GLIS3: variants seen among roughly 807,000 people sequenced by gnomAD.
The protein encoded by GLIS3 is zinc finger protein GLIS3.
Under a neutral mutation model 78.6 loss-of-function variants are expected in GLIS3, and 53 were observed. That is an observed-to-expected ratio of 0.67 (90% CI 0.54 to 0.85). The LOEUF is 0.85. GLIS3 is among the 40% of genes least tolerant of loss of function. GLIS3 has a pLI of 0.00. For missense variants in GLIS3, 1,703 were observed against 1,231.1 expected (o/e 1.38, Z -5.74); for synonymous variants, 684 against 509.9 (o/e 1.34, Z -4.60).
chr9:4,360,383 G>A, the GLIS3 span, among the ~76,000 whole-genome samples: 2 of 152,170 alleles, frequency 1.3e-5, no homozygotes, highest in South Asian at 2.1e-4. Flanking sequence ...CTTGCTTTCT[G>A]TACCTGGAAA....
chr9:3,926,852 T>C (rs1465692172), intron 6 of GLIS3, among the ~76,000 whole-genome samples: 1 of 151,154 alleles, frequency 6.6e-6, no homozygotes, highest in Admixed American at 6.6e-5. Flanking sequence ...CTTGAGCTCC[T>C]GGCCTCAAGT....
At chr9:3,885,730 T>G (rs1219677186) in intron 7 of GLIS3, among the ~76,000 whole-genome samples, 1 of 152,170 alleles carries the variant, frequency 6.6e-6, no homozygotes, top group African/African-American at 2.4e-5. Flanking sequence ...CCCTGGAGAA[T>G]TTTAGAGCTG....
At chr9:4,302,785 A>G (rs1017356668), upstream of GLIS3, among the ~76,000 whole-genome samples, 8 of 152,340 alleles carry the variant, frequency 5.3e-5, no homozygotes, top group Middle Eastern at 3.4e-3. Flanking sequence ...AGTGCAAAGC[A>G]TCTTGTGGTC....
At chr9:3,906,151 G>A (rs768793199) in intron 6 of GLIS3, among the ~76,000 whole-genome samples, 3 of 152,230 alleles carry the variant, frequency 2.0e-5, no homozygotes, top group Non-Finnish European at 4.4e-5. Context: ...GATCATGTGA[G>A]GCCTTCAAGC....
intron 2 of GLIS3, among the ~76,000 whole-genome samples, chr9:4,186,274 T>A (rs1051091021): frequency 7.2e-5 from 11 of 151,874 alleles, no homozygotes; most frequent in African/African-American, 2.7e-4. Flanking sequence ...TTGCGATACT[T>A]TACTGAGAAT....
chr9:4,376,047 A>G, the GLIS3 span, among the ~76,000 whole-genome samples: 2 of 152,222 alleles, frequency 1.3e-5, no homozygotes, highest in Non-Finnish European at 2.9e-5. Context: ...CATATGCTGA[A>G]TTCTGCTGAA....
At chr9:4,459,730 C>A in the GLIS3 span, among the ~76,000 whole-genome samples, 1 of 152,264 alleles carries the variant, frequency 6.6e-6, no homozygotes, top group South Asian at 2.1e-4. Flanking sequence ...GTCAAGTGAG[C>A]CACTGCAGCC....
intron 4 of GLIS3, among the ~76,000 whole-genome samples, chr9:4,060,654 A>T (rs1218185436): frequency 6.6e-6 from 1 of 152,146 alleles, no homozygotes; most frequent in Non-Finnish European, 1.5e-5. Context: ...TGTGCCTCAG[A>T]ACTCTTGAGG....
intron 4 of GLIS3, among the ~76,000 whole-genome samples, chr9:4,064,764 G>A (rs1022640848): frequency 9.2e-5 from 14 of 152,158 alleles, no homozygotes; most frequent in Non-Finnish European, 1.5e-5. Context: ...AGTCAGAGAG[G>A]AAACTACTTA....
At chr9:3,844,935 TGA>T (rs1818942103) in intron 9 of GLIS3, among the ~76,000 whole-genome samples, 2 of 152,348 alleles carry the variant, frequency 1.3e-5, no homozygotes, top group South Asian at 2.1e-4. Context: ...GTGCTGCTGA[TGA>T]GAGTCTAAAT....
chr9:3,999,646 C>A (rs904622015), intron 4 of GLIS3, among the ~76,000 whole-genome samples: 2 of 151,822 alleles, frequency 1.3e-5, no homozygotes, highest in African/African-American at 4.8e-5. Flanking sequence ...TCATGGACAG[C>A]ATATTCAACA....
intron 4 of GLIS3, among the ~76,000 whole-genome samples, chr9:4,018,389 A>G (rs560174542): frequency 1.3e-5 from 2 of 152,342 alleles, no homozygotes; most frequent in African/African-American, 2.4e-5. Context: ...AAGAGAAGTC[A>G]CTAAGGAAGA....
At chr9:3,976,088 C>T (rs185632072) in intron 4 of GLIS3, among the ~76,000 whole-genome samples, 1 of 152,216 alleles carries the variant, frequency 6.6e-6, no homozygotes, top group Non-Finnish European at 1.5e-5. Context: ...CATTTGGAAC[C>T]ATCCCTAGAA....
At chr9:4,081,480 T>G (rs1403363477) in intron 4 of GLIS3, 3 of 152,242 alleles carry the variant, frequency 2.0e-5, no homozygotes, top group African/African-American at 7.2e-5. Context: ...TGAGGAATCC[T>G]CATTTTCTTT....
chr9:4,191,381 A>G (rs1434803478), intron 2 of GLIS3, among the ~76,000 whole-genome samples: 1 of 152,220 alleles, frequency 6.6e-6, no homozygotes, highest in Non-Finnish European at 1.5e-5. Flanking sequence ...AAAAATCGTT[A>G]TCATAATAAT....
At chr9:4,354,646 G>A in the GLIS3 span, among the ~76,000 whole-genome samples, 3 of 152,110 alleles carry the variant, frequency 2.0e-5, no homozygotes, top group African/African-American at 4.8e-5. Flanking sequence ...GGGCTTTCTC[G>A]AGCCTCTCAC....
chr9:4,158,813 G>T (rs879344041), intron 2 of GLIS3, among the ~76,000 whole-genome samples: 1 of 152,102 alleles, frequency 6.6e-6, no homozygotes, highest in South Asian at 2.1e-4. Flanking sequence ...TCAAATAAGC[G>T]TAAGTGCCAT....
chr9:4,287,768 C>A (rs547329323), intron 1 of GLIS3, among the ~76,000 whole-genome samples: 4 of 152,184 alleles, frequency 2.6e-5, no homozygotes, highest in African/African-American at 9.7e-5. Context: ...AGGAGAAACA[C>A]TTTTTGTGAA....
rs563559751 is a variant in GLIS3 at position 4,224,567 on chromosome 9, T to C, written c.388+61471A>G. 1.5e-3 allele frequency among the ~76,000 whole-genome samples: 234 copies of C among 152,280 alleles called. 1 individual carries two copies. Among genetic ancestry groups the C allele is most frequent in the Admixed American group, 4.2e-3 (65 of 15,302 alleles). ...CACAGCTGATTGTTTTCTCACCGCA[T>C]TGGCTACAGGAAAATCCAGAACCAA... is the stretch of plus-strand genomic sequence containing the variant. On this transcript the variant is annotated intron_variant, in intron 2 of 10. Transcript: ENST00000381971.
Sources: gnomAD v4.1 joint callset for allele counts (sites outside exome capture counted in the v4.1 genomes callset) on GRCh38, gnomAD v4.1.1 for gene constraint, MANE v1.5 for transcripts, NCBI Gene and HGNC (gene_info 2026-07-23, HGNC 2026-07-21) for gene names.